Variants in LSM14A observed in about 807,000 individuals in gnomAD.
The protein encoded by LSM14A is protein LSM14 homolog A.
In LSM14A, 14 loss-of-function variants were observed where a neutral mutation model predicts 52.4. The observed-to-expected ratio is 0.27, with a 90% confidence interval of 0.18 to 0.42. LSM14A has a LOEUF of 0.42. Ranked by LOEUF, LSM14A falls within the 10% of genes least tolerant of loss-of-function variation. The probability of loss-of-function intolerance (pLI) is 1.00; values close to 1 mark genes in which losing one functional copy is unlikely to be tolerated. For synonymous variants in LSM14A, 185 were observed against 200.3 expected, an observed-to-expected ratio of 0.92 and a Z score of 0.64; for missense variants, 417 against 581.8, an observed-to-expected ratio of 0.72 and a Z score of 2.91.
intron 1 of LSM14A, among the ~76,000 whole-genome samples, chr19:34,183,128 C>T (rs1233424580): frequency 6.6e-6 from 1 of 152,128 alleles, no homozygotes; most frequent in Non-Finnish European, 1.5e-5. Flanking sequence ...GAAGAATGCC[C>T]AACTGAAAGC....
intron 1 of LSM14A, among the ~76,000 whole-genome samples, chr19:34,185,738 C>T (rs1165476118): frequency 6.6e-6 from 1 of 152,152 alleles, no homozygotes; most frequent in Non-Finnish European, 1.5e-5. Flanking sequence ...GTTTCTGTAT[C>T]TCAGATAGTT....
At chr19:34,211,312 T>A (rs927615300) in intron 4 of LSM14A, among the ~76,000 whole-genome samples, 1 of 150,294 alleles carries the variant, frequency 6.7e-6, no homozygotes, top group East Asian at 2.0e-4. Context: ...AAAAAAAAAA[T>A]TTAATAGTCC....
chr19:34,203,865 A>T (rs2071490571), intron 3 of LSM14A, among the ~76,000 whole-genome samples: 1 of 151,884 alleles, frequency 6.6e-6, no homozygotes, highest in African/African-American at 2.4e-5. Flanking sequence ...GAAGGAATTA[A>T]ACATTCCAGT....
intron 1 of LSM14A, among the ~76,000 whole-genome samples, chr19:34,191,504 C>T (rs2070383833): frequency 6.6e-6 from 1 of 151,196 alleles, no homozygotes; most frequent in Non-Finnish European, 1.5e-5. Context: ...CCATCATTGC[C>T]TCCCTCCTTT....
At chr19:34,180,164 C>T (rs577199991) in intron 1 of LSM14A, among the ~76,000 whole-genome samples, 20 of 152,344 alleles carry the variant, frequency 1.3e-4, no homozygotes, top group Non-Finnish European at 2.1e-4. Context: ...AGTGATCTGC[C>T]TGCCTTGGCC....
intron 1 of LSM14A, among the ~76,000 whole-genome samples, chr19:34,192,107 T>C (rs1188925671): frequency 6.6e-6 from 1 of 152,058 alleles, no homozygotes; most frequent in East Asian, 1.9e-4. Context: ...ATGATACTAT[T>C]TAATAAAATT....
chr19:34,211,762 C>T (rs963962394), intron 4 of LSM14A, among the ~76,000 whole-genome samples: 2 of 151,756 alleles, frequency 1.3e-5, no homozygotes, highest in Non-Finnish European at 2.9e-5. Context: ...TCACTCCAGC[C>T]TGGGCGACAG....
rs1489825901 is a variant in LSM14A, at chr19:34,228,569, AT to A, written c.*1182del. ...CACGGCAACACTGGTCCTTGGGCCT[AT>A]GATGACCCACAGATGACTCAGTATA... is the stretch of plus-strand genomic sequence containing the variant. On this transcript the variant is annotated 3_prime_UTR_variant, in exon 10 of 10. Transcript: ENST00000544216. 1 of 66,216 alleles carries A rather than the reference AT, an allele frequency of 1.5e-5. No individual in the cohort carries two copies. Among genetic ancestry groups the A allele is most frequent in the African/African-American group, 6.4e-5 (1 of 15,620 alleles). The allele number at this position is 66,216 out of a possible 1,614,324, so 4.1% of individuals were successfully genotyped here.
intron 1 of LSM14A, among the ~76,000 whole-genome samples, chr19:34,188,478 C>G (rs1568477230): frequency 6.6e-6 from 1 of 152,104 alleles, no homozygotes; most frequent in African/African-American, 2.4e-5. Context: ...ACATTACATG[C>G]AATTAACCAT....
chr19:34,227,702 G>GTT lies in LSM14A; in HGVS notation c.*325_*326dup, dbSNP rs918947402. The stretch of plus-strand genomic sequence containing the variant: ...ACAAGTATTTTTTCATCACTGAAAG[G>GTT]TTTTTTTTTTTTATCACTAAATTGT... On this transcript the variant is annotated 3_prime_UTR_variant, in exon 10 of 10. Transcript: ENST00000544216. The GTT allele has an allele frequency of 3.8e-4, 87 of 226,848 alleles. No homozygotes were observed. The highest frequency in any genetic ancestry group is 4.9e-4 in the Non-Finnish European group (59 of 120,142). The allele number at this position is 226,848 out of a possible 1,614,324, so 14.1% of individuals were successfully genotyped here.
At chr19:34,218,114 C>G (rs962546366) in intron 6 of LSM14A, among the ~76,000 whole-genome samples, 3 of 151,624 alleles carry the variant, frequency 2.0e-5, no homozygotes, top group African/African-American at 7.3e-5. Context: ...AGCCATTCTC[C>G]TGCCTCAGCC....
At chr19:34,216,391 C>T (rs935237130) in intron 6 of LSM14A, among the ~76,000 whole-genome samples, 1 of 150,224 alleles carries the variant, frequency 6.7e-6, no homozygotes, top group East Asian at 2.0e-4. Flanking sequence ...CCAGCCTAGG[C>T]GACAGAGCCA....
intron 3 of LSM14A, among the ~76,000 whole-genome samples, chr19:34,199,912 T>G (rs1431901990): frequency 1.3e-5 from 2 of 152,240 alleles, no homozygotes; most frequent in Non-Finnish European, 2.9e-5. Context: ...GGACAGCATA[T>G]TAAGGTGGTC....
intron 1 of LSM14A, among the ~76,000 whole-genome samples, chr19:34,178,689 C>T (rs2069253738): frequency 6.6e-6 from 1 of 152,134 alleles, no homozygotes; most frequent in Non-Finnish European, 1.5e-5. Flanking sequence ...GCTTATTGTT[C>T]TTGTAGAAGT....
At position 34,215,615 on chromosome 19, in the gene LSM14A, A is replaced by C; in HGVS notation, c.735A>C (p.Ser245=). 6.2e-7 allele frequency: 1 copy of C among 1,613,770 alleles called. No homozygotes were observed. The highest frequency in any genetic ancestry group is 8.5e-7 in the Non-Finnish European group (1 of 1,179,690). The change falls in exon 6 of 10, where the codon TCA becomes TCC. Residue 245 remains serine (S), a synonymous_variant. Coordinates refer to ENST00000544216, the MANE Select transcript of LSM14A (RefSeq NM_015578.4). ...CTGTAGCTGAAGTACACAAAGTTTC[A>C]AGGCCAGAAAATGAGCAACTCAGAA... is the stretch of plus-strand genomic sequence containing the variant. ...EHRRAEVHKV[S]RPENEQLRND...
chr19:34,181,086 G>GT (rs1168519895), intron 1 of LSM14A, among the ~76,000 whole-genome samples: 2 of 152,118 alleles, frequency 1.3e-5, no homozygotes, highest in African/African-American at 4.8e-5. Flanking sequence ...AGACTTCTAT[G>GT]TTTTTTTCTG....
chr19:34,210,268 T>C (rs2072036083), intron 4 of LSM14A, among the ~76,000 whole-genome samples: 1 of 152,072 alleles, frequency 6.6e-6, no homozygotes, highest in Non-Finnish European at 1.5e-5. Context: ...GCTTAATTTT[T>C]TTCTTTTTTT....
intron 1 of LSM14A, among the ~76,000 whole-genome samples, chr19:34,180,198 T>C (rs4805997): frequency 0.1 from 15,478 of 152,220 alleles, 1,410 homozygotes; most frequent in African/African-American, 0.22. Flanking sequence ...GGATTACAGG[T>C]GTGAGCCACA....
At chr19:34,192,319 G>GTTTTTTTTTTTTTTTGTTTTTT (rs2070459501) in intron 1 of LSM14A, among the ~76,000 whole-genome samples, 1 of 53,410 alleles carries the variant, frequency 1.9e-5, no homozygotes, top group Non-Finnish European at 3.3e-5. Context: ...TCTTTTTGTT[G>GTTTTTTTTTTTTTTTGTTTTTT]TTTTTTTTTT....
Sources: gnomAD v4.1 joint callset for allele counts (sites outside exome capture counted in the v4.1 genomes callset) on GRCh38, gnomAD v4.1.1 for gene constraint, MANE v1.5 for transcripts, NCBI Gene and HGNC (gene_info 2026-07-23, HGNC 2026-07-21) for gene names.